CAMSAP1: variants seen among roughly 807,000 people sequenced by gnomAD.
The protein encoded by CAMSAP1 is calmodulin regulated spectrin associated protein 1.
In CAMSAP1, 58 loss-of-function variants were observed where a neutral mutation model predicts 143.5. That is an observed-to-expected ratio of 0.40 (90% CI 0.33 to 0.50). The LOEUF (loss-of-function observed/expected upper bound fraction) is 0.50. Ranked by LOEUF, CAMSAP1 falls within the 20% of genes least tolerant of loss-of-function variation. The pLI is 0.45. For missense variants in CAMSAP1, 1,969 were observed against 2,115.7 expected (o/e 0.93, Z 1.36); for synonymous variants, 945 against 859.3 (o/e 1.10, Z -1.74).
At position 135,868,305 on chromosome 9, in the gene CAMSAP1, C is replaced by A. The variant is rs201766743; in HGVS notation, c.586-1769G>T. On this transcript the variant is annotated intron_variant, in intron 3 of 16. Transcript: ENST00000389532. ...CACATGGTCAGCAGGCACAAAGCAC[C>A]TCTCCTGTGGTCCAAATGACATCAG... 2.6e-5 allele frequency among the ~76,000 whole-genome samples: 4 copies of A among 152,288 alleles called. No homozygotes were observed. In the East Asian group the frequency reaches 7.7e-4, roughly 29 times the overall value.
At chr9:135,897,651 G>C (rs1327158440) in intron 1 of CAMSAP1, among the ~76,000 whole-genome samples, 1 of 152,136 alleles carries the variant, frequency 6.6e-6, no homozygotes, top group Non-Finnish European at 1.5e-5. Context: ...AAGCCATGAT[G>C]ACGTCCATGG....
At position 135,822,991 on chromosome 9, in the gene CAMSAP1, G is replaced by A. The variant is rs138818284; in HGVS notation, c.1670C>T (p.Pro557Leu). 1.8e-4 allele frequency: 291 copies of A among 1,614,004 alleles called. No individual in the cohort carries two copies. Among genetic ancestry groups the A allele is most frequent in the Non-Finnish European group, 2.3e-4 (270 of 1,179,894 alleles). The change falls in exon 11 of 17, where the codon CCG becomes CTG. Residue 557 changes from proline (P) to leucine (L), a missense_variant. By Grantham distance (98) the Pro-to-Leu change is moderately conservative (BLOSUM62 -3). Transcript: ENST00000389532. The surrounding 1 kb of genome is among the most constrained non-coding windows in gnomAD (Gnocchi z 6.1). ...CCGGGGTGAGGCCCTGGGGAACTCC[G>A]GGTCAGCCTGCTGGGGAACCACGTC... ...RADVVPQQAD[P>L]EFPRASPRAL...
chr9:135,906,944 C>CCCCCGG (rs943580821), intron 1 of CAMSAP1, 56 bp downstream of exon 1: 190 of 928,998 alleles, frequency 2.0e-4, no homozygotes, highest in Non-Finnish European at 2.4e-4. Context: ...CCGGCCGCGT[C>CCCCCGG]CCCCGGCCCC....
At chr9:135,876,462 A>T (rs1025389327) in intron 3 of CAMSAP1, among the ~76,000 whole-genome samples, 1 of 152,222 alleles carries the variant, frequency 6.6e-6, no homozygotes, top group African/African-American at 2.4e-5. Context: ...AAGCATCTTT[A>T]CCCATTAGGA....
In CAMSAP1 at chr9:135,882,890, T is replaced by G; in HGVS notation, c.349A>C (p.Lys117Gln). 4 of 1,551,620 alleles carry G rather than the reference T, an allele frequency of 2.6e-6. No individual in the cohort carries two copies. Among genetic ancestry groups the G allele is most frequent in the Non-Finnish European group, 3.5e-6 (4 of 1,146,984 alleles). Residue 117 changes from lysine to glutamine, a missense_variant, in exon 2 of 17, where the codon AAA becomes CAA. Physicochemically the swap from Lys to Gln is moderately conservative, Grantham distance 53. Coordinates refer to ENST00000389532, the MANE Select transcript of CAMSAP1 (RefSeq NM_015447.4). This position sits in a 1 kb window ranked among gnomAD's most constrained non-coding sequence, Gnocchi z 4.9. ...TCACTCTCCATCACATAGATCCCTT[T>G]CCGGGACAGGGCCTGGATGACAGAC... Reference protein sequence around the residue: ...HQSVIQALSRKGIYVMESDDT... With the variant: ...HQSVIQALSRQGIYVMESDDT...
At chr9:135,884,211 C>T (rs967146277) in intron 1 of CAMSAP1, among the ~76,000 whole-genome samples, 1 of 152,106 alleles carries the variant, frequency 6.6e-6, no homozygotes, top group Admixed American at 6.5e-5. Flanking sequence ...TGAAGAAACC[C>T]CACTGACTCC....
chr9:135,905,823 TC>T (rs1387056920), intron 1 of CAMSAP1, among the ~76,000 whole-genome samples: 1 of 152,002 alleles, frequency 6.6e-6, no homozygotes, highest in African/African-American at 2.4e-5. Context: ...AGGCGTCCGC[TC>T]TCGGGCTGTT....
At chr9:135,888,194 T>C (rs528391834) in intron 1 of CAMSAP1, among the ~76,000 whole-genome samples, 1 of 152,356 alleles carries the variant, frequency 6.6e-6, no homozygotes, top group African/African-American at 2.4e-5. Flanking sequence ...AAAGGGTCTA[T>C]CTCCTGCCCT....
chr9:135,887,130 C>T (rs1424117374), intron 1 of CAMSAP1, among the ~76,000 whole-genome samples: 4 of 152,082 alleles, frequency 2.6e-5, no homozygotes, highest in African/African-American at 4.8e-5. Flanking sequence ...CAGTGAGAGC[C>T]GGGCGCAGTG....
intron 7 of CAMSAP1, among the ~76,000 whole-genome samples, chr9:135,835,543 G>A (rs1448638628): frequency 3.3e-5 from 5 of 152,216 alleles, no homozygotes; most frequent in African/African-American, 4.8e-5. Context: ...GGCACAAAAC[G>A]CAGAGCCAAC....
At chr9:135,813,751 G>T (rs1396594727) in intron 16 of CAMSAP1, among the ~76,000 whole-genome samples, 1 of 152,224 alleles carries the variant, frequency 6.6e-6, no homozygotes, top group Non-Finnish European at 1.5e-5. Flanking sequence ...CTGAACTGCT[G>T]GTCTGCACGC....
At chr9:135,876,882 G>A (rs1250060152) in intron 3 of CAMSAP1, among the ~76,000 whole-genome samples, 6 of 152,038 alleles carry the variant, frequency 3.9e-5, no homozygotes, top group South Asian at 2.1e-4. Context: ...GGTGGCAGGC[G>A]CCTGTAATCT....
At chr9:135,827,311 T>A (rs1835708887) in intron 8 of CAMSAP1, 96 bp downstream of exon 8, 3 of 1,237,066 alleles carry the variant, frequency 2.4e-6, no homozygotes, top group Non-Finnish European at 3.2e-6. Flanking sequence ...ACAAATTGCT[T>A]ATTTTAAAAA....
At chr9:135,819,849 A>G (rs375011678) in intron 11 of CAMSAP1, among the ~76,000 whole-genome samples, 53 of 152,144 alleles carry the variant, frequency 3.5e-4, no homozygotes, top group African/African-American at 1.2e-3. Context: ...TCTGTCCAAA[A>G]AAAAAAAAGC....
rs751865508 is a variant in CAMSAP1, at chr9:135,818,380, T to C, written c.4168+28A>G. 1 of 1,535,444 alleles carries C rather than the reference T, an allele frequency of 6.5e-7. No homozygotes were observed. ...GGCCGCCGCCCGCGGAAGGAAGCGC[T>C]GCCCGCGTGAGGGCCGGGGCTGCTT... is the stretch of plus-strand genomic sequence containing the variant. On this transcript the variant is annotated intron_variant, in intron 13 of 16. Transcript: ENST00000389532. This position sits in a 1 kb window ranked among gnomAD's most constrained non-coding sequence, Gnocchi z 7.7.
chr9:135,872,570 C>T (rs914714725), intron 3 of CAMSAP1, among the ~76,000 whole-genome samples: 3 of 152,150 alleles, frequency 2.0e-5, no homozygotes, highest in Non-Finnish European at 4.4e-5. Context: ...AAGAGATTGT[C>T]AGATGAATAA....
chr9:135,823,359 C>T (rs539177147), intron 10 of CAMSAP1, 99 bp from the exon 11 acceptor site: 36 of 1,305,980 alleles, frequency 2.8e-5, no homozygotes, highest in East Asian at 1.7e-4. Flanking sequence ...AAAGAGAATA[C>T]GCCTCTCATA....
intron 8 of CAMSAP1, among the ~76,000 whole-genome samples, chr9:135,827,137 C>G (rs1278706597): frequency 6.6e-6 from 1 of 152,090 alleles, no homozygotes; most frequent in East Asian, 1.9e-4. Flanking sequence ...AACAGTGTAA[C>G]ACATGGTGGA....
At position 135,820,820 on chromosome 9, in the gene CAMSAP1, G is replaced by T. The variant is rs1747996342; in HGVS notation, c.3822+19C>A. The T allele has an allele frequency of 1.2e-6, 2 of 1,609,486 alleles. No homozygotes were observed. Among genetic ancestry groups the T allele is most frequent in the African/African-American group, 2.7e-5 (2 of 74,940 alleles). ...CAACACATCACGAGTGCCTGAAACAGATGCTACCAATCCCTTACCTTGAAG... is the reference window on the plus strand; with the variant it reads ...CAACACATCACGAGTGCCTGAAACATATGCTACCAATCCCTTACCTTGAAG... On this transcript the variant is annotated intron_variant, in intron 11 of 16. Coordinates refer to ENST00000389532, the MANE Select transcript of CAMSAP1 (RefSeq NM_015447.4). The surrounding 1 kb of genome is among the most constrained non-coding windows in gnomAD (Gnocchi z 4.4).
Sources: gnomAD v4.1 joint callset for allele counts (sites outside exome capture counted in the v4.1 genomes callset) on GRCh38, gnomAD v4.1.1 for gene constraint, Gnocchi (gnomAD v3.1) non-coding constraint, MANE v1.5 for transcripts, NCBI Gene and HGNC (gene_info 2026-07-23, HGNC 2026-07-21) for gene names.